ITPK1: variants seen among roughly 807,000 people sequenced by gnomAD.
The protein encoded by ITPK1 is inositol-tetrakisphosphate 1-kinase, also known as inositol 1,3,4-trisphosphate 5/6-kinase.
In ITPK1, 21 loss-of-function variants were observed where a neutral mutation model predicts 45.3. The observed-to-expected ratio is 0.46, with a 90% CI of 0.33 to 0.67. ITPK1 has a LOEUF of 0.67. ITPK1 is among the 30% of genes least tolerant of loss of function. ITPK1 has a pLI of 0.02. For synonymous variants in ITPK1, 258 were observed against 253.6 expected (o/e 1.02, Z -0.16); for missense variants, 474 against 573.5 (o/e 0.83, Z 1.77).
intron 3 of ITPK1, among the ~76,000 whole-genome samples, chr14:93,030,435 A>T (rs552433909): frequency 3.5e-5 from 5 of 144,282 alleles, no homozygotes; most frequent in Admixed American, 7.8e-5. Context: ...TCTTTCTTTC[A>T]TTCATTCATT....
intron 3 of ITPK1, among the ~76,000 whole-genome samples, chr14:93,019,734 T>C (rs1032819032): frequency 1.5e-4 from 23 of 151,990 alleles, no homozygotes; most frequent in African/African-American, 5.3e-4. Flanking sequence ...GGCCCTTGGG[T>C]GCGGCCCCCA....
chr14:92,970,863 C>T (rs548386015), intron 5 of ITPK1, among the ~76,000 whole-genome samples: 154 of 152,256 alleles, frequency 1.0e-3, no homozygotes, highest in African/African-American at 3.5e-3. Context: ...TCTCGATCTC[C>T]TGACCCCGTG....
chr14:93,033,997 T>A (rs1328164244), intron 3 of ITPK1, among the ~76,000 whole-genome samples: 1 of 151,808 alleles, frequency 6.6e-6, no homozygotes, highest in Non-Finnish European at 1.5e-5. Flanking sequence ...GGGGCAGGGG[T>A]GAGGCACCAG....
chr14:92,977,748 C>T (rs571156441), intron 5 of ITPK1, among the ~76,000 whole-genome samples: 1 of 151,868 alleles, frequency 6.6e-6, no homozygotes, highest in Non-Finnish European at 1.5e-5. Context: ...TTTCCTGAGG[C>T]CTCACCAGCC....
chr14:93,005,266 T>C (rs2139832195), intron 4 of ITPK1, among the ~76,000 whole-genome samples: 1 of 152,218 alleles, frequency 6.6e-6, no homozygotes, highest in African/African-American at 2.4e-5. Context: ...ATCTCTGTGA[T>C]TTGGTAGAGC....
chr14:92,940,840 A>G lies in ITPK1; in HGVS notation c.*721T>C, dbSNP rs113099282. The G allele has an allele frequency of 0.012, 15,630 of 1,287,384 alleles. 101 individuals carry two copies. Among genetic ancestry groups the G allele is most frequent in the Non-Finnish European group, 0.015 (14,501 of 988,050 alleles). 79.7% of individuals were successfully genotyped at this position (1,287,384 alleles called of 1,614,324 possible). A position where few individuals can be genotyped will look rare whatever the true frequency, so the allele number is the denominator to read the frequency against. On this transcript the variant is annotated 3_prime_UTR_variant, in exon 11 of 11. Transcript: ENST00000267615. ...TCCTTCCCGGGCTCCAGGGAGCAGCAGTGCTGGCTTAGGGGAAGGAGACCG... is the reference window on the plus strand; with the variant it reads ...TCCTTCCCGGGCTCCAGGGAGCAGCGGTGCTGGCTTAGGGGAAGGAGACCG...
intron 3 of ITPK1, among the ~76,000 whole-genome samples, chr14:93,024,038 A>C: frequency 6.6e-6 from 1 of 152,146 alleles, no homozygotes. Context: ...TACGAATCAC[A>C]GGCTAGCAGA....
Position 92,958,246 on chromosome 14 carries a change from C to T in ITPK1, c.625G>A (p.Val209Met), listed in dbSNP as rs141155364. Residue 209 changes from valine (V) to methionine (M), a missense_variant, in exon 8 of 11, where the codon GTG becomes ATG. Val to Met is a conservative substitution (Grantham distance 21). This residue lies in a region of ITPK1 where 367 missense variants were observed against 480.6 expected (regional missense o/e 0.76). Transcript: ENST00000267615. This position sits in a 1 kb window ranked among gnomAD's most constrained non-coding sequence, Gnocchi z 4.4. ...KVFVVGESYT[V>M]VQRPSLKNFS... is the part of the protein sequence containing the mutation. ...TTCTTGAGTGAGGGCCTCTGGACCA[C>T]GGTGTAGGACTCGCCAACCACGAAC... 746 of 1,614,200 alleles carry T rather than the reference C, an allele frequency of 4.6e-4. 3 individuals are homozygous for T. The African/African-American group carries it at 8.0e-3, about 17-fold the overall frequency.
At chr14:92,978,778 A>C (rs1172672553) in intron 5 of ITPK1, among the ~76,000 whole-genome samples, 1 of 149,534 alleles carries the variant, frequency 6.7e-6, no homozygotes, top group African/African-American at 2.6e-5. Flanking sequence ...GGATGTATGG[A>C]AACACCTGGA....
Position 93,063,259 on chromosome 14 carries a change from C to G in ITPK1, c.120+13336G>C, listed in dbSNP as rs112139924. 6.0e-4 allele frequency among the ~76,000 whole-genome samples: 91 copies of G among 152,320 alleles called. No homozygotes were observed. Among genetic ancestry groups the G allele is most frequent in the African/African-American group, 2.1e-3 (86 of 41,582 alleles). On this transcript the variant is annotated intron_variant, in intron 3 of 10. Transcript: ENST00000267615. This position sits in a 1 kb window ranked among gnomAD's most constrained non-coding sequence, Gnocchi z 4.3. ...GGCAAGGAAGGGAGTGAGCCAAGGT[C>G]TGCCTCCAAGCCAGGACCCACACCC...
intron 8 of ITPK1, among the ~76,000 whole-genome samples, chr14:92,953,388 C>T (rs1459609365): frequency 2.0e-5 from 3 of 152,216 alleles, no homozygotes; most frequent in African/African-American, 7.2e-5. Flanking sequence ...AAATAAACAC[C>T]CCGCAGGACA....
chr14:93,011,685 G>C (rs907241964), intron 4 of ITPK1, among the ~76,000 whole-genome samples: 2 of 152,124 alleles, frequency 1.3e-5, no homozygotes, highest in Non-Finnish European at 2.9e-5. Context: ...CACATGCAGG[G>C]GCACCTGGGG....
chr14:93,069,313 T>A (rs1890890973), intron 3 of ITPK1: 2 of 154,066 alleles, frequency 1.3e-5, no homozygotes, highest in African/African-American at 4.8e-5. Flanking sequence ...CAGCACCCCA[T>A]GAACAACTCA....
At chr14:93,067,742 C>G (rs943277999) in intron 3 of ITPK1, 2 of 152,410 alleles carry the variant, frequency 1.3e-5, no homozygotes, top group African/African-American at 4.8e-5. Context: ...TTTATATAAC[C>G]CTTCCCAGCA....
chr14:93,020,999 T>C (rs1215481981), intron 3 of ITPK1, among the ~76,000 whole-genome samples: 1 of 152,106 alleles, frequency 6.6e-6, no homozygotes, highest in African/African-American at 2.4e-5. Context: ...CACTCACTCT[T>C]AGCAGTACCT....
At chr14:92,961,592 G>A (rs984413314) in intron 7 of ITPK1, among the ~76,000 whole-genome samples, 8 of 152,212 alleles carry the variant, frequency 5.3e-5, no homozygotes, top group African/African-American at 1.9e-4. Flanking sequence ...AGAGCTAACA[G>A]CCCTCATGTG....
intron 2 of ITPK1, among the ~76,000 whole-genome samples, chr14:93,097,270 C>T (rs1335756585): frequency 1.3e-5 from 2 of 152,198 alleles, no homozygotes; most frequent in African/African-American, 2.4e-5. Flanking sequence ...ATTTTCTTAC[C>T]CCTTGAATGT....
intron 3 of ITPK1, among the ~76,000 whole-genome samples, chr14:93,053,362 T>C (rs931241806): frequency 5.3e-5 from 8 of 152,110 alleles, no homozygotes; most frequent in Non-Finnish European, 1.2e-4. Context: ...TTCAATCCAG[T>C]GGTTCCCCAC....
chr14:92,962,479 A>C (rs1885128606), intron 6 of ITPK1, 84 bp from the exon 7 acceptor site: 1 of 937,264 alleles, frequency 1.1e-6, no homozygotes, highest in Non-Finnish European at 1.8e-6. Flanking sequence ...CTAGAAAGGA[A>C]CTCTAGCTGA....
Sources: gnomAD v4.1 joint callset for allele counts (sites outside exome capture counted in the v4.1 genomes callset) on GRCh38, gnomAD v4.1.1 for gene constraint, gnomAD v4.1.1 regional missense constraint, Gnocchi (gnomAD v3.1) non-coding constraint, MANE v1.5 for transcripts, NCBI Gene and HGNC (gene_info 2026-07-23, HGNC 2026-07-21) for gene names.